PCDHGB2: variants seen among roughly 807,000 people sequenced by gnomAD.
PCDHGB2 encodes the protein protocadherin gamma-B2.
In PCDHGB2, 55 loss-of-function variants were observed where a neutral mutation model predicts 59.3. The ratio of observed to expected loss-of-function variants is 0.93; its 90% CI spans 0.75 to 1.16. The LOEUF is 1.16. Ranked by LOEUF, PCDHGB2 falls within the 50% of genes most tolerant of loss-of-function variation. PCDHGB2 has a pLI of 0.00. For synonymous variants in PCDHGB2, 516 were observed against 512.0 expected, an observed-to-expected ratio of 1.01 and a Z score of -0.11; for missense variants, 1,228 against 1,198.5, an observed-to-expected ratio of 1.02 and a Z score of -0.36.
rs1428628914 is a variant in PCDHGB2, at chr5:141,487,223, G to A, written c.2422-7584G>A. 1.2e-6 allele frequency: 2 copies of A among 1,614,076 alleles called. No homozygotes were observed. The highest frequency in any genetic ancestry group is 2.2e-5 in the East Asian group (1 of 44,866). The stretch of plus-strand genomic sequence containing the variant: ...TCTTCGAGAATCTTCAGCTCCAAGG[G>A]AAGGAGAATCTCGTCTAACCCTCTA... On this transcript the variant is annotated intron_variant, in intron 1 of 3. Transcript: ENST00000522605. This position sits in a 1 kb window ranked among gnomAD's most constrained non-coding sequence, Gnocchi z 5.0.
intron 1 of PCDHGB2, chr5:141,478,197 T>G (rs2099437910): frequency 6.2e-7 from 1 of 1,613,956 alleles, no homozygotes; most frequent in Admixed American, 1.7e-5. Context: ...ACCTTTTATC[T>G]ACTTCTTTCT....
intron 1 of PCDHGB2, among the ~76,000 whole-genome samples, chr5:141,445,609 T>A (rs900534761): frequency 1.3e-5 from 2 of 152,220 alleles, no homozygotes; most frequent in African/African-American, 4.8e-5. Flanking sequence ...CAAGGAAGGC[T>A]TTCTTTTTTT....
At chr5:141,404,791 G>A (rs747844350) in intron 1 of PCDHGB2, 2 of 1,613,932 alleles carry the variant, frequency 1.2e-6, no homozygotes, top group Non-Finnish European at 8.5e-7. Flanking sequence ...AGGCCAGTGA[G>A]CCAGGGCTCT....
At chr5:141,365,047 G>C in intron 1 of PCDHGB2, 2 of 1,613,804 alleles carry the variant, frequency 1.2e-6, no homozygotes, top group Non-Finnish European at 1.7e-6. Context: ...ACGACAATGC[G>C]CCCCTGTTCA....
At chr5:141,492,495 G>A (rs750427038) in intron 1 of PCDHGB2, among the ~76,000 whole-genome samples, 65 of 152,186 alleles carry the variant, frequency 4.3e-4, no homozygotes, top group Non-Finnish European at 6.0e-4. Context: ...ACCAGGCGAG[G>A]ACTCCGGAGC....
At chr5:141,417,050 C>T (rs1420453271) in intron 1 of PCDHGB2, 3 of 151,552 alleles carry the variant, frequency 2.0e-5, no homozygotes, top group Non-Finnish European at 4.4e-5. Flanking sequence ...AAAAAAACTG[C>T]TCTTGACATT....
rs1554175372 is a variant in PCDHGB2, at chr5:141,490,827, G to A, written c.2422-3980G>A. ...CCTTTGACTATGAATTGCTGCAGAT[G>A]CTGCAGATTGTGGTGGGGGTTCGAG... On this transcript the variant is annotated intron_variant, in intron 1 of 3. Transcript: ENST00000522605. This position sits in a 1 kb window ranked among gnomAD's most constrained non-coding sequence, Gnocchi z 5.4. 1 of 1,613,744 alleles carries A rather than the reference G, an allele frequency of 6.2e-7. No individual in the cohort carries two copies. Among genetic ancestry groups the A allele is most frequent in the Non-Finnish European group, 8.5e-7 (1 of 1,179,828 alleles).
At chr5:141,434,536 T>C (rs1037347477) in intron 1 of PCDHGB2, among the ~76,000 whole-genome samples, 7 of 152,186 alleles carry the variant, frequency 4.6e-5, no homozygotes, top group Non-Finnish European at 8.8e-5. Context: ...CCACAAACAA[T>C]AGCATGAGTG....
chr5:141,432,803 G>T lies in PCDHGB2; in HGVS notation c.2422-62004G>T, dbSNP rs751950423. 3 of 1,614,160 alleles carry T rather than the reference G, an allele frequency of 1.9e-6. No homozygotes were observed. The highest frequency in any genetic ancestry group is 2.2e-5 in the East Asian group (1 of 44,874). ...GGACCTCGGCAGCCTCGAGTCTCCA[G>T]CTAACTCTGAAACCTCAGACCTCAC... On this transcript the variant is annotated intron_variant, in intron 1 of 3. Coordinates refer to ENST00000522605, the MANE Select transcript of PCDHGB2 (RefSeq NM_018923.3). This position sits in a 1 kb window ranked among gnomAD's most constrained non-coding sequence, Gnocchi z 6.0.
intron 1 of PCDHGB2, among the ~76,000 whole-genome samples, chr5:141,473,267 C>G (rs1458810488): frequency 1.3e-5 from 2 of 152,248 alleles, no homozygotes; most frequent in African/African-American, 2.4e-5. Flanking sequence ...TTAGTGTATG[C>G]TATGATTATT....
At chr5:141,484,958 G>T in intron 1 of PCDHGB2, 1 of 575,874 alleles carries the variant, frequency 1.7e-6, no homozygotes. Flanking sequence ...TATTGGCTGA[G>T]CCCGGGAGCC....
intron 3 of PCDHGB2, chr5:141,507,418 A>T (rs2099860509): frequency 6.6e-6 from 1 of 152,204 alleles, no homozygotes; most frequent in Non-Finnish European, 1.5e-5. Context: ...CTGTGAGGTT[A>T]AGTGGGGCCA....
At chr5:141,369,400 T>A (rs1766214722) in intron 1 of PCDHGB2, among the ~76,000 whole-genome samples, 2 of 152,120 alleles carry the variant, frequency 1.3e-5, no homozygotes, top group Non-Finnish European at 2.9e-5. Flanking sequence ...GCCAGGGTGG[T>A]TCATGACTAT....
intron 1 of PCDHGB2, chr5:141,393,901 G>T: frequency 6.2e-7 from 1 of 1,613,894 alleles, no homozygotes; most frequent in Non-Finnish European, 8.5e-7. Context: ...TCTCTTCCCG[G>T]GACAGTAATT....
chr5:141,418,517 C>G, intron 1 of PCDHGB2: 1 of 1,613,918 alleles, frequency 6.2e-7, no homozygotes. Flanking sequence ...TGGTGGGGAC[C>G]CTCCCCGAAG....
At chr5:141,370,974 C>G in intron 1 of PCDHGB2, 3 of 1,613,996 alleles carry the variant, frequency 1.9e-6, no homozygotes, top group Non-Finnish European at 2.5e-6. Context: ...GTACCCAGAG[C>G]TAGTACTGAA....
intron 1 of PCDHGB2, chr5:141,382,984 G>A: frequency 6.2e-7 from 1 of 1,613,132 alleles, no homozygotes; most frequent in Non-Finnish European, 8.5e-7. Context: ...AGCCTGGGCA[G>A]GACGTATTCT....
chr5:141,431,833 AAACTCT>A lies in PCDHGB2; in HGVS notation c.2422-62973_2422-62968del. The A allele has an allele frequency of 1.2e-6, 2 of 1,614,278 alleles. No homozygotes were observed. Among genetic ancestry groups the A allele is most frequent in the Non-Finnish European group, 1.7e-6 (2 of 1,180,044 alleles). ...CCTCTCTCGCCAGCTCGGTTCCCGA[AAACTCT>A]CCCAGAGGGACATTAATTGCCCTTT... is the stretch of plus-strand genomic sequence containing the variant. On this transcript the variant is annotated intron_variant, in intron 1 of 3. Transcript: ENST00000522605. This position sits in a 1 kb window ranked among gnomAD's most constrained non-coding sequence, Gnocchi z 4.8.
At chr5:141,404,123 T>A (rs1477938356) in intron 1 of PCDHGB2, 4 of 1,613,394 alleles carry the variant, frequency 2.5e-6, no homozygotes, top group Admixed American at 1.7e-5. Context: ...GGAGAATCTA[T>A]CTTTTACATT....
Sources: gnomAD v4.1 joint callset for allele counts (sites outside exome capture counted in the v4.1 genomes callset) on GRCh38, gnomAD v4.1.1 for gene constraint, Gnocchi (gnomAD v3.1) non-coding constraint, MANE v1.5 for transcripts, NCBI Gene and HGNC (gene_info 2026-07-23, HGNC 2026-07-21) for gene names.